Variants in EBF1 observed in about 807,000 individuals in gnomAD.
The protein encoded by EBF1 is EBF transcription factor 1.
A neutral mutation model predicts 68.4 loss-of-function variants in EBF1; 10 were observed. The observed-to-expected ratio is 0.15, with a 90% CI of 0.09 to 0.25. EBF1 has a LOEUF of 0.25. Among genes scored for constraint, EBF1 ranks in the 10% least tolerant of loss-of-function variants. The pLI is 1.00. For synonymous variants in EBF1, 298 were observed against 299.8 expected, an observed-to-expected ratio of 0.99 and a Z score of 0.06; for missense variants, 509 against 794.4, an observed-to-expected ratio of 0.64 and a Z score of 4.32.
chr5:158,778,920 T>G, intron 9 of EBF1, among the ~76,000 whole-genome samples: 1 of 152,296 alleles, frequency 6.6e-6, no homozygotes, highest in Non-Finnish European at 1.5e-5. Flanking sequence ...ATTTTGAAAT[T>G]ATTTCTCTTT....
chr5:158,999,953 G>T (rs368992869), intron 6 of EBF1, among the ~76,000 whole-genome samples: 10 of 152,212 alleles, frequency 6.6e-5, no homozygotes, highest in East Asian at 5.8e-4. Flanking sequence ...TGGAGCAGCA[G>T]TTCTCAAATG....
intron 6 of EBF1, among the ~76,000 whole-genome samples, chr5:158,966,180 T>C (rs1301210320): frequency 6.6e-6 from 1 of 152,224 alleles, no homozygotes; most frequent in African/African-American, 2.4e-5. Flanking sequence ...AAATGTTTTA[T>C]ATTTTCTTGT....
At chr5:158,884,614 G>A (rs11738803) in intron 6 of EBF1, among the ~76,000 whole-genome samples, 3,334 of 152,208 alleles carry the variant, frequency 0.022, 39 homozygotes, top group East Asian at 0.043. Context: ...GGCACAACAG[G>A]AAGGTGCAAG....
chr5:158,842,723 A>G (rs1010699101), intron 6 of EBF1, among the ~76,000 whole-genome samples: 5 of 152,246 alleles, frequency 3.3e-5, no homozygotes, highest in African/African-American at 7.2e-5. Context: ...GCTTCCGTGT[A>G]TTGGGTGCTT....
intron 6 of EBF1, among the ~76,000 whole-genome samples, chr5:159,033,233 G>A (rs932615852): frequency 6.6e-6 from 1 of 152,148 alleles, no homozygotes; most frequent in South Asian, 2.1e-4. Flanking sequence ...CTTCCACTCC[G>A]CAGCACAGGA....
chr5:158,712,080 A>G (rs995601203), intron 14 of EBF1, 74 bp downstream of exon 14: 3 of 1,560,002 alleles, frequency 1.9e-6, no homozygotes, highest in African/African-American at 2.7e-5. Context: ...AGCCCTGCCC[A>G]CTGGGCCACA....
intron 6 of EBF1, among the ~76,000 whole-genome samples, chr5:159,054,352 G>A (rs1458899556): frequency 1.3e-5 from 2 of 152,016 alleles, no homozygotes; most frequent in South Asian, 2.1e-4. Flanking sequence ...TTATTTCTTT[G>A]GAAACCTGTC....
chr5:159,010,059 T>G (rs1017006448), intron 6 of EBF1, among the ~76,000 whole-genome samples: 5 of 152,212 alleles, frequency 3.3e-5, no homozygotes, highest in Non-Finnish European at 7.3e-5. Context: ...AATGCTGAAA[T>G]CATATTTGAA....
intron 10 of EBF1, among the ~76,000 whole-genome samples, chr5:158,764,081 C>A (rs959833144): frequency 6.6e-6 from 1 of 152,176 alleles, no homozygotes; most frequent in African/African-American, 2.4e-5. Flanking sequence ...TCACAGCAGT[C>A]CTGTGATATA....
chr5:158,905,875 G>C (rs1177444127), intron 6 of EBF1, among the ~76,000 whole-genome samples: 1 of 152,178 alleles, frequency 6.6e-6, no homozygotes, highest in Admixed American at 6.5e-5. Flanking sequence ...GCCCCACTTA[G>C]TGGGTAGCAG....
intron 7 of EBF1, among the ~76,000 whole-genome samples, chr5:158,827,275 G>A (rs1786376414): frequency 6.6e-6 from 1 of 152,194 alleles, no homozygotes; most frequent in Non-Finnish European, 1.5e-5. Flanking sequence ...AAAGGATACA[G>A]AAAGTGTTTC....
intron 15 of EBF1, among the ~76,000 whole-genome samples, chr5:158,700,344 G>T (rs1212434883): frequency 1.3e-5 from 2 of 152,214 alleles, no homozygotes; most frequent in African/African-American, 2.4e-5. Flanking sequence ...CAAGCAAGGG[G>T]CAGCCGTCTT....
intron 10 of EBF1, among the ~76,000 whole-genome samples, chr5:158,733,165 G>T (rs1404773000): frequency 6.6e-6 from 1 of 152,072 alleles, no homozygotes; most frequent in Non-Finnish European, 1.5e-5. Context: ...GAGCACCAAG[G>T]TTTAAGTTAT....
chr5:158,767,376 T>C (rs1581706238), intron 10 of EBF1, among the ~76,000 whole-genome samples: 1 of 152,154 alleles, frequency 6.6e-6, no homozygotes, highest in African/African-American at 2.4e-5. Flanking sequence ...GTCCTAGAAA[T>C]ACCTGCCACT....
At chr5:158,760,813 C>T (rs772830499) in intron 10 of EBF1, among the ~76,000 whole-genome samples, 11 of 151,992 alleles carry the variant, frequency 7.2e-5, no homozygotes, top group Non-Finnish European at 1.3e-4. Flanking sequence ...TTCCTCAAAT[C>T]GATATTTTAC....
intron 6 of EBF1, among the ~76,000 whole-genome samples, chr5:159,038,356 C>T (rs927477562): frequency 6.6e-6 from 1 of 152,194 alleles, no homozygotes; most frequent in Non-Finnish European, 1.5e-5. Flanking sequence ...AGATATTTTA[C>T]ACTTTTAGAA....
intron 6 of EBF1, among the ~76,000 whole-genome samples, chr5:159,010,846 C>T (rs1262384366): frequency 6.6e-6 from 1 of 152,196 alleles, no homozygotes; most frequent in African/African-American, 2.4e-5. Context: ...AAAAAAGCTG[C>T]AAAGAAACAA....
chr5:158,865,928 C>T (rs147609065), intron 6 of EBF1, among the ~76,000 whole-genome samples: 20 of 152,284 alleles, frequency 1.3e-4, no homozygotes, highest in African/African-American at 3.9e-4. Context: ...GGAGCAAATA[C>T]GTTAGTCCTC....
intron 10 of EBF1, among the ~76,000 whole-genome samples, chr5:158,755,450 G>C (rs59440022): frequency 0.15 from 22,070 of 152,002 alleles, 1,719 homozygotes; most frequent in Admixed American, 0.17. Context: ...CTCTGCACCT[G>C]TCTCCTATTT....
Sources: allele counts gnomAD v4.1 joint callset (sites outside exome capture counted in the v4.1 genomes callset), GRCh38; gene constraint gnomAD v4.1.1; transcripts MANE v1.5; gene names NCBI Gene and HGNC (gene_info 2026-07-23, HGNC 2026-07-21).